ARHGAP24: variants seen among roughly 807,000 people sequenced by gnomAD.
The protein encoded by ARHGAP24 is rho GTPase-activating protein 24.
ARHGAP24 carries 50 observed loss-of-function variants against 76.4 expected under a neutral mutation model. The observed-to-expected ratio is 0.65, with a 90% CI of 0.52 to 0.83. ARHGAP24 has a LOEUF of 0.83. ARHGAP24 is among the 40% of genes least tolerant of loss of function. The pLI, the probability that ARHGAP24 is intolerant of heterozygous loss-of-function variation, is 0.00. For synonymous variants in ARHGAP24, 345 were observed against 323.3 expected, an observed-to-expected ratio of 1.07 and a Z score of -0.72; for missense variants, 930 against 914.2, an observed-to-expected ratio of 1.02 and a Z score of -0.22.
intron 3 of ARHGAP24, among the ~76,000 whole-genome samples, chr4:85,839,843 CTTTTTTTTTTTTT>C (rs33974767): frequency 2.8e-5 from 3 of 105,628 alleles, no homozygotes; most frequent in Non-Finnish European, 3.6e-5. Context: ...TTTCTGTTTT[CTTTTTTTTTTTTT>C]TTTTTTTTTT....
At chr4:85,869,401 T>A (rs1191531855) in intron 3 of ARHGAP24, among the ~76,000 whole-genome samples, 1 of 152,152 alleles carries the variant, frequency 6.6e-6, no homozygotes, top group Non-Finnish European at 1.5e-5. Context: ...GGCAGGGGAC[T>A]GTGATTTTTG....
chr4:85,923,126 C>A (rs1735824328), intron 3 of ARHGAP24, among the ~76,000 whole-genome samples: 1 of 152,060 alleles, frequency 6.6e-6, no homozygotes, highest in African/African-American at 2.4e-5. Context: ...AGAACAGAGG[C>A]ATAGAGAAGA....
At chr4:85,678,671 C>G (rs963156167) in intron 2 of ARHGAP24, among the ~76,000 whole-genome samples, 1 of 152,146 alleles carries the variant, frequency 6.6e-6, no homozygotes, top group African/African-American at 2.4e-5. Context: ...AGACTACAAA[C>G]AGTGCAAAAT....
At chr4:85,945,391 T>G (rs922283398) in intron 5 of ARHGAP24, among the ~76,000 whole-genome samples, 1 of 151,958 alleles carries the variant, frequency 6.6e-6, no homozygotes, top group Non-Finnish European at 1.5e-5. Flanking sequence ...TGTCTCAAGG[T>G]TTGCTTTGTA....
At chr4:85,872,917 T>G (rs1388941571) in intron 3 of ARHGAP24, among the ~76,000 whole-genome samples, 1 of 152,080 alleles carries the variant, frequency 6.6e-6, no homozygotes, top group Non-Finnish European at 1.5e-5. Context: ...TTTCTTCAAC[T>G]AAAATGAATC....
intron 8 of ARHGAP24, among the ~76,000 whole-genome samples, chr4:85,987,363 A>T (rs757240625): frequency 9.2e-5 from 14 of 152,194 alleles, no homozygotes; most frequent in Middle Eastern, 3.4e-3. Context: ...CACATCTAGA[A>T]TATATATTTT....
intron 9 of ARHGAP24, among the ~76,000 whole-genome samples, chr4:85,997,197 G>A (rs566160532): frequency 3.3e-5 from 5 of 152,120 alleles, no homozygotes; most frequent in African/African-American, 1.2e-4. Context: ...TCTGTTTAGA[G>A]TTATTCATTT....
chr4:85,820,412 C>T (rs1008748327), intron 3 of ARHGAP24, among the ~76,000 whole-genome samples: 4 of 152,100 alleles, frequency 2.6e-5, no homozygotes, highest in African/African-American at 9.7e-5. Flanking sequence ...CATGCTCTCA[C>T]TTATAAGTGA....
intron 2 of ARHGAP24, among the ~76,000 whole-genome samples, chr4:85,712,150 A>G (rs987237288): frequency 2.6e-5 from 4 of 152,170 alleles, no homozygotes; most frequent in Non-Finnish European, 5.9e-5. Context: ...TAGTAATTGA[A>G]CACGGTTTCT....
In ARHGAP24 at chr4:85,837,039, T is replaced by TGG. The variant is rs78015362; in HGVS notation, c.269-86606_269-86605dup. Reference sequence around the variant, plus strand: ...CCTAAATATGTGCACATAGCAAGTATGGGGTCATCATTCTAGCCCAGCTGT... The same window carrying TGG: ...CCTAAATATGTGCACATAGCAAGTATGGGGGGTCATCATTCTAGCCCAGCTGT... On this transcript the variant is annotated intron_variant, in intron 3 of 9. Coordinates refer to ENST00000395184, the MANE Select transcript of ARHGAP24 (RefSeq NM_001025616.3). 2.6e-5 allele frequency among the ~76,000 whole-genome samples: 4 copies of TGG among 152,230 alleles called. 1 individual carries two copies. In the East Asian group the frequency reaches 7.8e-4, roughly 30 times the overall value.
intron 3 of ARHGAP24, among the ~76,000 whole-genome samples, chr4:85,779,990 C>A (rs1200392889): frequency 6.6e-6 from 1 of 152,054 alleles, no homozygotes; most frequent in Non-Finnish European, 1.5e-5. Flanking sequence ...TTCATGAGAT[C>A]CACTATATGT....
chr4:85,844,452 A>G (rs1156457457), intron 3 of ARHGAP24, among the ~76,000 whole-genome samples: 1 of 152,244 alleles, frequency 6.6e-6, no homozygotes, highest in Non-Finnish European at 1.5e-5. Context: ...TTCTGGGATT[A>G]CAGAATTAAA....
At chr4:85,828,951 A>C (rs1729856352) in intron 3 of ARHGAP24, among the ~76,000 whole-genome samples, 2 of 152,188 alleles carry the variant, frequency 1.3e-5, no homozygotes, top group African/African-American at 2.4e-5. Context: ...AGAATATCAG[A>C]TTTTAAAATG....
At chr4:85,930,335 G>T (rs1441313271) in intron 4 of ARHGAP24, 2 of 986,672 alleles carry the variant, frequency 2.0e-6, no homozygotes, top group Non-Finnish European at 2.4e-6. Context: ...GATGGGGGGT[G>T]CTATAAAAGA....
At chr4:85,841,776 A>G (rs905741008) in intron 3 of ARHGAP24, among the ~76,000 whole-genome samples, 4 of 152,244 alleles carry the variant, frequency 2.6e-5, no homozygotes, top group African/African-American at 9.6e-5. Flanking sequence ...CAGCAGAGTT[A>G]TACAGACCTA....
intron 2 of ARHGAP24, among the ~76,000 whole-genome samples, chr4:85,581,548 C>T (rs1727610389): frequency 6.6e-6 from 1 of 152,102 alleles, no homozygotes; most frequent in African/African-American, 2.4e-5. Context: ...GTTGTAAATG[C>T]TGTAGTACTG....
chr4:85,660,795 A>AAAAAAAAAAAAAAAC (rs1722353213), intron 2 of ARHGAP24, among the ~76,000 whole-genome samples: 1 of 20,154 alleles, frequency 5.0e-5, no homozygotes, highest in African/African-American at 2.5e-4. Context: ...ACTCCGTCTC[A>AAAAAAAAAAAAAAAC]AAAAAAAAAA....
At chr4:85,817,469 A>C (rs902585104) in intron 3 of ARHGAP24, among the ~76,000 whole-genome samples, 1 of 152,164 alleles carries the variant, frequency 6.6e-6, no homozygotes. Context: ...ATTTTTCTGC[A>C]TATGGATATC....
At position 85,957,843 on chromosome 4, in the gene ARHGAP24, G is replaced by C. The variant is rs149172726; in HGVS notation, c.600-14193G>C. Among the ~76,000 whole-genome samples the C allele has an allele frequency of 1.7e-4, 26 of 152,254 alleles. No homozygotes were observed. The East Asian group carries it at 4.6e-3, about 27-fold the overall frequency. On this transcript the variant is annotated intron_variant, in intron 5 of 9. Transcript: ENST00000395184. ...GGGTATTAACTAAATATTTTATGTG[G>C]GACAGGGTGTAAACTAGAAATCTGT...
Sources: gnomAD v4.1 joint callset for allele counts (sites outside exome capture counted in the v4.1 genomes callset) on GRCh38, gnomAD v4.1.1 for gene constraint, MANE v1.5 for transcripts, NCBI Gene and HGNC (gene_info 2026-07-23, HGNC 2026-07-21) for gene names.